The following RNASEL variants were observed in gnomAD, a reference collection of about 807,000 sequenced individuals.
The protein encoded by RNASEL is 2-5A-dependent ribonuclease.
A neutral mutation model predicts 50.9 loss-of-function variants in RNASEL; 36 were observed. The observed-to-expected ratio is 0.71, with a 90% CI of 0.54 to 0.93. The LOEUF is 0.93. Among genes scored for constraint, RNASEL ranks in the 40% least tolerant of loss-of-function variants. The probability of loss-of-function intolerance (pLI) is 0.00; values close to 1 mark genes in which losing one functional copy is unlikely to be tolerated. For missense variants in RNASEL, 860 were observed against 894.5 expected, an observed-to-expected ratio of 0.96 and a Z score of 0.49; for synonymous variants, 335 against 335.6, an observed-to-expected ratio of 1.00 and a Z score of 0.02.
In RNASEL at chr1:182,576,174, A is replaced by G. The variant is rs1661374279; in HGVS notation, c.2039+82T>C. On this transcript the variant is annotated intron_variant, in intron 6 of 6. Coordinates refer to ENST00000367559, the MANE Select transcript of RNASEL (RefSeq NM_021133.4). ...CATCAAAATAAATTTTCTTTTTTCC[A>G]TCGTAGATATAAACTTAGAATTGGA... 4.1e-6 allele frequency: 6 copies of G among 1,449,222 alleles called. No individual in the cohort carries two copies. The Admixed American group carries it at 1.2e-4, about 28-fold the overall frequency. The allele number at this position is 1,449,222 out of a possible 1,614,324, so 89.8% of individuals were successfully genotyped here.
intron 5 of RNASEL, chr1:182,576,647 A>T (rs1028576517): frequency 8.5e-6 from 3 of 354,108 alleles, no homozygotes; most frequent in Admixed American, 4.4e-5. Context: ...TGGGCGGATC[A>T]CCTGAGGTCA....
In RNASEL at chr1:182,585,845, A is replaced by G; in HGVS notation, c.962T>C (p.Leu321Pro). ...NYDHSLVKVL[L>P]SHGAKEDFHP... Reference sequence around the variant, plus strand: ...AAAATCTTCTTTGGCTCCATGAGAGAGAAGAACCTTCACAAGGGAATGGTC... The same window carrying G: ...AAAATCTTCTTTGGCTCCATGAGAGGGAAGAACCTTCACAAGGGAATGGTC... The change falls in exon 2 of 7, where the codon CTC (leucine) becomes CCC (proline). Residue 321 changes from leucine (L) to proline (P), a missense_variant. Physicochemically the swap from Leu to Pro is moderately conservative, Grantham distance 98. Coordinates refer to ENST00000367559, the MANE Select transcript of RNASEL (RefSeq NM_021133.4). 1.9e-6 allele frequency: 3 copies of G among 1,613,316 alleles called. 1 individual carries two copies. Among genetic ancestry groups the G allele is most frequent in the South Asian group, 2.2e-5 (2 of 91,060 alleles).
intron 5 of RNASEL, 110 bp from the exon 6 acceptor site, chr1:182,576,499 AT>A: frequency 8.4e-6 from 7 of 829,964 alleles, no homozygotes; most frequent in Non-Finnish European, 1.1e-5. Context: ...CATATATTCT[AT>A]AATTACCAAC....
Position 182,582,093 on chromosome 1 carries a change from TCAGA to T in RNASEL, c.1728_1731del (p.Cys576Ter). 3 of 1,614,214 alleles carry T rather than the reference TCAGA, an allele frequency of 1.9e-6. No homozygotes were observed. Among genetic ancestry groups the T allele is most frequent in the Non-Finnish European group, 2.5e-6 (3 of 1,180,028 alleles). On this transcript the variant is annotated frameshift_variant, in exon 4 of 7. Coordinates refer to ENST00000367559, the MANE Select transcript of RNASEL (RefSeq NM_021133.4). LOFTEE classifies it high-confidence loss of function. ...AAGAAGGGATGACCCAGCAGGTCACTCAGACAGTCCCTCACATGTTCCCCAGGAT... is the reference window on the plus strand; with the variant it reads ...AAGAAGGGATGACCCAGCAGGTCACTCAGTCCCTCACATGTTCCCCAGGAT...
At chr1:182,582,970 T>C (rs558298757) in intron 3 of RNASEL, among the ~76,000 whole-genome samples, 1 of 152,192 alleles carries the variant, frequency 6.6e-6, no homozygotes, top group Admixed American at 6.5e-5. Flanking sequence ...TATTTCAGAG[T>C]CCTCATCTTT....
At chr1:182,581,076 G>C (rs566584441) in intron 5 of RNASEL, 149 bp downstream of exon 5, 2 of 1,147,836 alleles carry the variant, frequency 1.7e-6, no homozygotes, top group Non-Finnish European at 2.6e-6. Context: ...GGGAGCCTAG[G>C]GGGATAGGGA....
Position 182,585,524 on chromosome 1 carries a change from C to T in RNASEL, c.1283G>A (p.Gly428Asp), listed in dbSNP as rs1340585938. The T allele has an allele frequency of 1.2e-6, 2 of 1,614,038 alleles. No homozygotes were observed. The highest frequency in any genetic ancestry group is 1.7e-6 in the Non-Finnish European group (2 of 1,180,036). ...VTFYGSESHR[G>D]HLFVCVTLCE... ...GAGGGTGACACACACAAACAAGTGG[C>T]CCCTGTGGCTCTCACTCCCATAGAA... The change falls in exon 2 of 7, where the codon GGC becomes GAC. Residue 428 changes from glycine (G) to aspartate (D), a missense_variant. By Grantham distance (94) the Gly-to-Asp change is moderately conservative (BLOSUM62 -1). Coordinates refer to ENST00000367559, the MANE Select transcript of RNASEL (RefSeq NM_021133.4).
intron 1 of RNASEL, among the ~76,000 whole-genome samples, chr1:182,588,744 A>C (rs1484023672): frequency 6.6e-6 from 1 of 152,230 alleles, no homozygotes; most frequent in African/African-American, 2.4e-5. Flanking sequence ...TCTTTGAACC[A>C]AAGTGTTTGT....
At chr1:182,579,153 TA>T in intron 5 of RNASEL, 1 of 783,400 alleles carries the variant, frequency 1.3e-6, no homozygotes, top group Non-Finnish European at 1.5e-6. Flanking sequence ...ATGGTTACAC[TA>T]AAAGCCCAAC....
chr1:182,581,093 G>T, intron 5 of RNASEL, 132 bp downstream of exon 5: 1 of 1,333,066 alleles, frequency 7.5e-7, no homozygotes, highest in Non-Finnish European at 1.1e-6. Flanking sequence ...GGGATGGGAG[G>T]GCAGGAGGCA....
Position 182,575,437 on chromosome 1 carries a change from A to T in RNASEL, c.2181T>A (p.Cys727Ter). The T allele has an allele frequency of 6.2e-7, 1 of 1,614,154 alleles. No homozygotes were observed. Among genetic ancestry groups the T allele is most frequent in the Non-Finnish European group, 8.5e-7 (1 of 1,180,030 alleles). Residue 727 changes from cysteine to a stop codon, truncating the protein, a stop_gained, in exon 7 of 7, where the codon TGT becomes TGA. Transcript: ENST00000367559. LOFTEE classifies it low-confidence loss of function (END_TRUNC). ...ACCCACTGGCCCCACCAGCTCCATC[A>T]CACTGAGGCTTGTTTGGACTGTGGG... ...PQTHSPNKPQ[C>*]DGAGGASGLA...
chr1:182,579,450 T>G, intron 5 of RNASEL: 1 of 1,003,344 alleles, frequency 1.0e-6, no homozygotes, highest in Non-Finnish European at 1.2e-6. Context: ...GCAATGCTAG[T>G]GAGGATGCTG....
At position 182,576,376 on chromosome 1, in the gene RNASEL, A is replaced by C. The variant is rs764462444; in HGVS notation, c.1919T>G (p.Val640Gly). Residue 640 changes from valine (V) to glycine (G), a missense_variant, in exon 6 of 7, where the codon GTT becomes GGT. Transcript: ENST00000367559. ...DKWTTKINEC[V>G]MKKMNKFYEK... ...ATAAAACTTATTCATTTTTTTCATA[A>C]CACATTCATTAATCTAAAAAAACAA... The C allele has an allele frequency of 5.1e-6, 8 of 1,579,232 alleles. No homozygotes were observed. The highest frequency in any genetic ancestry group is 6.1e-6 in the Non-Finnish European group (7 of 1,150,690).
At chr1:182,587,845 CTTTGA>C (rs771341604) in intron 1 of RNASEL, among the ~76,000 whole-genome samples, 4 of 152,236 alleles carry the variant, frequency 2.6e-5, no homozygotes, top group African/African-American at 9.6e-5. Context: ...TGTTTTTTGA[CTTTGA>C]TTTATGATTT....
chr1:182,586,874 A>G lies in RNASEL; in HGVS notation c.-68T>C. 1 of 1,599,574 alleles carries G rather than the reference A, an allele frequency of 6.3e-7. No individual in the cohort carries two copies. Among genetic ancestry groups the G allele is most frequent in the Non-Finnish European group, 8.5e-7 (1 of 1,170,214 alleles). On this transcript the variant is annotated 5_prime_UTR_variant, in exon 2 of 7. Coordinates refer to ENST00000367559, the MANE Select transcript of RNASEL (RefSeq NM_021133.4). ...AGAAAATGCAAATTTATCTCCTAGC[A>G]CTTAATCAAAGAAGCTTTGAGTGTA...
At position 182,586,231 on chromosome 1, in the gene RNASEL, C is replaced by A; in HGVS notation, c.576G>T (p.Gly192=). Residue 192 remains glycine, a synonymous_variant, in exon 2 of 7, where the codon GGG becomes GGT. Coordinates refer to ENST00000367559, the MANE Select transcript of RNASEL (RefSeq NM_021133.4). ...TATTGTCACAGGCGTTTACATCTGC[C>A]CCCATCTCATCAAGGAGAATCTTCA... is the stretch of plus-strand genomic sequence containing the variant. ...EVLKILLDEM[G]ADVNACDNMG... 3 of 1,614,162 alleles carry A rather than the reference C, an allele frequency of 1.9e-6. No homozygotes were observed. The highest frequency in any genetic ancestry group is 2.5e-6 in the Non-Finnish European group (3 of 1,180,034).
chr1:182,586,281 C>T lies in RNASEL; in HGVS notation c.526G>A (p.Ala176Thr), dbSNP rs778121904. The T allele has an allele frequency of 1.2e-6, 2 of 1,614,088 alleles. No individual in the cohort carries two copies. The highest frequency in any genetic ancestry group is 1.6e-4 in the Middle Eastern group (1 of 6,084). The change falls in exon 2 of 7, where the codon GCT becomes ACT. Residue 176 changes from alanine (A) to threonine (T), a missense_variant. By Grantham distance (58) the Ala-to-Thr change is moderately conservative. Coordinates refer to ENST00000367559, the MANE Select transcript of RNASEL (RefSeq NM_021133.4). ...AAGACCTCTACGTGTCCTTTTTCAG[C>T]AGCGTCCATGAGAGCTGTGGCCCCT... ...KGGATALMDA[A>T]EKGHVEVLKI...
Position 182,585,464 on chromosome 1 carries a change from T to G in RNASEL, c.1343A>C (p.His448Pro), listed in dbSNP as rs759979238. The G allele has an allele frequency of 1.2e-6, 2 of 1,614,200 alleles. No homozygotes were observed. The highest frequency in any genetic ancestry group is 1.7e-6 in the Non-Finnish European group (2 of 1,180,042). The change falls in exon 2 of 7, where the codon CAC becomes CCC. Residue 448 changes from histidine (H) to proline (P), a missense_variant. Physicochemically the swap from His to Pro is moderately conservative, Grantham distance 77 (BLOSUM62 -2). Transcript: ENST00000367559. ...CTCATTTTCCACATCTTCCCCTCTGTGCACATCCAAACACGCTTCCAGAGT... is the reference window on the plus strand; with the variant it reads ...CTCATTTTCCACATCTTCCCCTCTGGGCACATCCAAACACGCTTCCAGAGT... ...EQTLEACLDVHRGEDVENEED... is the reference protein window; with the variant it reads ...EQTLEACLDVPRGEDVENEED...
intron 5 of RNASEL, among the ~76,000 whole-genome samples, chr1:182,577,864 G>A (rs573777728): frequency 4.4e-4 from 67 of 152,198 alleles, no homozygotes; most frequent in Middle Eastern, 6.8e-3. Flanking sequence ...AGACAAAGTC[G>A]GCAAAAACAT....
Sources: gnomAD v4.1 joint callset for allele counts (sites outside exome capture counted in the v4.1 genomes callset) on GRCh38, gnomAD v4.1.1 for gene constraint, MANE v1.5 for transcripts, NCBI Gene and HGNC (gene_info 2026-07-23, HGNC 2026-07-21) for gene names.